Variants in KLHL23 observed in about 807,000 individuals in gnomAD.
KLHL23 encodes the protein kelch like family member 23.
In KLHL23, 33 loss-of-function variants were observed where a neutral mutation model predicts 48.9. The observed-to-expected ratio is 0.67, with a 90% CI of 0.51 to 0.90. The LOEUF is 0.90. Ranked by LOEUF, KLHL23 falls within the 40% of genes least tolerant of loss-of-function variation. The pLI is 0.00. For synonymous variants in KLHL23, 234 were observed against 231.6 expected (o/e 1.01, Z -0.09); for missense variants, 608 against 669.6 (o/e 0.91, Z 1.02).
At position 169,749,441 on chromosome 2, in the gene KLHL23, T is replaced by A. The variant is rs767457557; in HGVS notation, c.1386T>A (p.Val462=). Residue 462 remains valine (V), a synonymous_variant, in exon 4 of 4, where the codon GTT becomes GTA. Coordinates refer to ENST00000392647, the MANE Select transcript of KLHL23 (RefSeq NM_144711.6). ...TAAAAGAATATGGATTGTGCTCAGT[T>A]CCGTTTGAAAATAAGCTCTATCTAG... ...SPHPEYGLCS[V]PFENKLYLVG... 2.5e-6 allele frequency: 4 copies of A among 1,611,662 alleles called. No homozygotes were observed. The highest frequency in any genetic ancestry group is 3.4e-6 in the Non-Finnish European group (4 of 1,177,992).
intron 2 of KLHL23, among the ~76,000 whole-genome samples, chr2:169,736,679 C>G (rs993031492): frequency 6.6e-6 from 1 of 151,986 alleles, no homozygotes; most frequent in African/African-American, 2.4e-5. Context: ...AGACACCATA[C>G]TCTCCCTCAT....
In KLHL23 at chr2:169,735,952, A is replaced by C; in HGVS notation, c.938A>C (p.Tyr313Ser). Residue 313 changes from tyrosine to serine, a missense_variant, in exon 2 of 4, where the codon TAT becomes TCT. Around this residue, in one of 3 missense-constraint regions of KLHL23, gnomAD observed 419 missense variants for 473.1 expected, o/e 0.89. Coordinates refer to ENST00000392647, the MANE Select transcript of KLHL23 (RefSeq NM_144711.6). The surrounding 1 kb of genome is among the most constrained non-coding windows in gnomAD (Gnocchi z 4.5). ...ATACCAGATTATACCAGGGAGAGCT[A>C]TGGTGTTACATGTTTAGGACCCAAC... ...AEIPDYTRES[Y>S]GVTCLGPNIY... The C allele has an allele frequency of 1.9e-6, 3 of 1,614,202 alleles. No homozygotes were observed. Among genetic ancestry groups the C allele is most frequent in the Non-Finnish European group, 2.5e-6 (3 of 1,180,040 alleles).
In KLHL23 at chr2:169,750,766, T is replaced by C. The variant is rs1688954159; in HGVS notation, c.*1034T>C. On this transcript the variant is annotated 3_prime_UTR_variant, in exon 4 of 4. Coordinates refer to ENST00000392647, the MANE Select transcript of KLHL23 (RefSeq NM_144711.6). ...AAAATAGAAGATAGTCAAATATTTG[T>C]TTATGCTAAGAACTGTTTTTAATTT... The C allele has an allele frequency of 6.6e-6, 1 of 152,190 alleles. No individual in the cohort carries two copies. The highest frequency in any genetic ancestry group is 1.5e-5 in the Non-Finnish European group (1 of 68,030). The allele number at this position is 152,190 out of a possible 1,614,324, so 9.4% of individuals were successfully genotyped here.
intron 2 of KLHL23, among the ~76,000 whole-genome samples, chr2:169,740,605 C>T (rs183974236): frequency 2.3e-4 from 34 of 150,542 alleles, no homozygotes; most frequent in Admixed American, 1.1e-3. Context: ...CCCACCACCA[C>T]GTCCTGCTAA....
chr2:169,745,559 G>A (rs142537750), intron 3 of KLHL23, among the ~76,000 whole-genome samples: 20 of 150,540 alleles, frequency 1.3e-4, no homozygotes, highest in African/African-American at 4.1e-4. Context: ...CTCCTTTTAG[G>A]TAGATTGGGA....
At chr2:169,742,071 A>C (rs941048964) in intron 3 of KLHL23, among the ~76,000 whole-genome samples, 4 of 152,244 alleles carry the variant, frequency 2.6e-5, no homozygotes, top group African/African-American at 9.6e-5. Context: ...GCCCATAAGG[A>C]ATGGCCTACC....
intron 3 of KLHL23, 63 bp from the exon 4 acceptor site, chr2:169,749,357 CTG>C: frequency 7.0e-7 from 1 of 1,436,182 alleles, no homozygotes; most frequent in Non-Finnish European, 9.2e-7. Flanking sequence ...CATTACCACA[CTG>C]TGGAATCTCT....
chr2:169,743,174 C>T (rs989356309), intron 3 of KLHL23, among the ~76,000 whole-genome samples: 2 of 152,016 alleles, frequency 1.3e-5, no homozygotes, highest in African/African-American at 4.8e-5. Context: ...AAAGAAAATC[C>T]GATACATGAA....
In KLHL23 at chr2:169,735,977, C is replaced by T; in HGVS notation, c.963C>T (p.Asn321=). The T allele has an allele frequency of 6.2e-7, 1 of 1,614,158 alleles. No individual in the cohort carries two copies. The highest frequency in any genetic ancestry group is 1.1e-5 in the South Asian group (1 of 91,080). The part of the protein sequence containing the change: ...ESYGVTCLGP[N]IYVTGGYRTD... The stretch of plus-strand genomic sequence containing the variant: ...ATGGTGTTACATGTTTAGGACCCAA[C>T]ATTTATGTAACTGGGGGCTACAGGA... Residue 321 remains asparagine (N), a synonymous_variant, in exon 2 of 4, where the codon AAC becomes AAT. Coordinates refer to ENST00000392647, the MANE Select transcript of KLHL23 (RefSeq NM_144711.6). The surrounding 1 kb of genome is among the most constrained non-coding windows in gnomAD (Gnocchi z 4.5).
At position 169,749,877 on chromosome 2, in the gene KLHL23, A is replaced by G. The variant is rs1370271766; in HGVS notation, c.*145A>G. 1 of 823,656 alleles carries G rather than the reference A, an allele frequency of 1.2e-6. No homozygotes were observed. Among genetic ancestry groups the G allele is most frequent in the African/African-American group, 1.8e-5 (1 of 55,846 alleles). 51.0% of individuals were successfully genotyped at this position (823,656 alleles called of 1,614,324 possible). ...AAATTGTAATTCCTAACCCTACTGT[A>G]CTCCCAAACATGGTGATTCATGGTC... On this transcript the variant is annotated 3_prime_UTR_variant, in exon 4 of 4. Transcript: ENST00000392647.
At chr2:169,749,272 G>A (rs1168348929) in intron 3 of KLHL23, 150 bp from the exon 4 acceptor site, 17 of 779,068 alleles carry the variant, frequency 2.2e-5, no homozygotes, top group Non-Finnish European at 2.9e-5. Flanking sequence ...CAGCCTCAGC[G>A]TTGCAGTATT....
rs1255108147 is a variant in KLHL23, at chr2:169,748,780, C to G, written c.1367-642C>G. Among the ~76,000 whole-genome samples, 3 of 138,482 alleles carry G rather than the reference C, an allele frequency of 2.2e-5. 1 individual carries two copies. The highest frequency in any genetic ancestry group is 5.0e-5 in the Non-Finnish European group (3 of 60,530). 90.8% of individuals were successfully genotyped at this position (138,482 alleles called of 152,430 possible). A position where few individuals can be genotyped will look rare whatever the true frequency, so the allele number is the denominator to read the frequency against. ...GCCTAGGAGGAGGACCGCCCCCCCC[C>G]CCCCCCATATACATACTTCCAGCCC... On this transcript the variant is annotated intron_variant, in intron 3 of 3. Coordinates refer to ENST00000392647, the MANE Select transcript of KLHL23 (RefSeq NM_144711.6).
intron 3 of KLHL23, among the ~76,000 whole-genome samples, chr2:169,748,335 G>A (rs897101632): frequency 2.0e-5 from 3 of 152,206 alleles, no homozygotes; most frequent in Admixed American, 1.3e-4. Flanking sequence ...CAAGGCAGAA[G>A]GAACAGCTCA....
rs376296995 is a variant in KLHL23, at chr2:169,735,126, A to G, written c.112A>G (p.Ile38Val). 3.7e-6 allele frequency: 6 copies of G among 1,612,602 alleles called. No homozygotes were observed. Among genetic ancestry groups the G allele is most frequent in the South Asian group, 1.1e-5 (1 of 90,368 alleles). ...TTACTTGGATGGATTATTTACTGATATTACTCTTCAGTGTCCTTCAGGCAT... is the reference window on the plus strand; with the variant it reads ...TTACTTGGATGGATTATTTACTGATGTTACTCTTCAGTGTCCTTCAGGCAT... ...TFYLDGLFTD[I>V]TLQCPSGIIF... Residue 38 changes from isoleucine to valine, a missense_variant, in exon 2 of 4, where the codon ATT becomes GTT. Physicochemically the swap from Ile to Val is conservative, Grantham distance 29. Coordinates refer to ENST00000392647, the MANE Select transcript of KLHL23 (RefSeq NM_144711.6). This position sits in a 1 kb window ranked among gnomAD's most constrained non-coding sequence, Gnocchi z 4.5.
chr2:169,734,469 A>C (rs111863368), intron 1 of KLHL23, among the ~76,000 whole-genome samples: 23,867 of 151,534 alleles, frequency 0.16, 1,911 homozygotes, highest in Middle Eastern at 0.24. Flanking sequence ...GGAGGGGGCG[A>C]GGGCTGCAAG....
Position 169,735,006 on chromosome 2 carries a change from A to G in KLHL23, c.-2-7A>G. On this transcript the variant is annotated splice_region_variant and splice_polypyrimidine_tract_variant and intron_variant, in intron 1 of 3. Coordinates refer to ENST00000392647, the MANE Select transcript of KLHL23 (RefSeq NM_144711.6). This position sits in a 1 kb window ranked among gnomAD's most constrained non-coding sequence, Gnocchi z 4.5. ...AAAACACATTTGTTATTTCATATTT[A>G]TTGCAGCCATGGCTCTAAAAGGACA... 1 of 1,522,890 alleles carries G rather than the reference A, an allele frequency of 6.6e-7. No homozygotes were observed. Among genetic ancestry groups the G allele is most frequent in the East Asian group, 2.3e-5 (1 of 43,532 alleles). The allele number at this position is 1,522,890 out of a possible 1,614,324, so 94.3% of individuals were successfully genotyped here.
intron 2 of KLHL23, 144 bp downstream of exon 2, chr2:169,736,371 A>G: frequency 8.0e-7 from 1 of 1,256,612 alleles, no homozygotes; most frequent in Non-Finnish European, 1.1e-6. Flanking sequence ...AATGTTCCAG[A>G]TAAAAACAGT....
At chr2:169,737,823 C>G (rs1688554933) in intron 2 of KLHL23, among the ~76,000 whole-genome samples, 1 of 152,120 alleles carries the variant, frequency 6.6e-6, no homozygotes, top group African/African-American at 2.4e-5. Context: ...CCATGTTGGC[C>G]AGGCTGGTCT....
In KLHL23 at chr2:169,744,223, T is replaced by A. The variant is rs143403996; in HGVS notation, c.1366+2686T>A. Among the ~76,000 whole-genome samples, 540 of 152,328 alleles carry A rather than the reference T, an allele frequency of 3.5e-3. 10 individuals carry two copies. Among genetic ancestry groups the A allele is most frequent in the Admixed American group, 0.027 (418 of 15,294 alleles). ...CATAATGGAAATACAGGACAGTCTC[T>A]GCTAAGTTCTGTAAAAACAAGTGCT... is the stretch of plus-strand genomic sequence containing the variant. On this transcript the variant is annotated intron_variant, in intron 3 of 3. Coordinates refer to ENST00000392647, the MANE Select transcript of KLHL23 (RefSeq NM_144711.6).
Sources: allele counts gnomAD v4.1 joint callset (sites outside exome capture counted in the v4.1 genomes callset), GRCh38; gene constraint gnomAD v4.1.1; regional missense constraint gnomAD v4.1.1; non-coding constraint Gnocchi (gnomAD v3.1); transcripts MANE v1.5; gene names NCBI Gene and HGNC (gene_info 2026-07-23, HGNC 2026-07-21).